RBFOX1: variants seen among roughly 807,000 people sequenced by gnomAD.
RBFOX1 encodes RNA binding fox-1 homolog 1, also known as RNA binding protein fox-1 homolog 1.
Under a neutral mutation model 57.7 loss-of-function variants are expected in RBFOX1, and 8 were observed. The ratio of observed to expected loss-of-function variants is 0.14; its 90% confidence interval spans 0.08 to 0.25. RBFOX1 has a LOEUF of 0.25. Ranked by LOEUF, RBFOX1 falls within the 10% of genes least tolerant of loss-of-function variation. The probability of loss-of-function intolerance (pLI) is 1.00; values close to 1 mark genes in which losing one functional copy is unlikely to be tolerated. For missense variants in RBFOX1, 611 were observed against 548.5 expected (o/e 1.11, Z -1.14); for synonymous variants, 326 against 222.4 (o/e 1.47, Z -4.15).
intron 4 of RBFOX1, among the ~76,000 whole-genome samples, chr16:7,109,017 G>T (rs533636853): frequency 1.4e-4 from 21 of 152,234 alleles, no homozygotes; most frequent in East Asian, 1.9e-4. Context: ...TGGAAAAGAG[G>T]GCAGTATACG....
intron 4 of RBFOX1, among the ~76,000 whole-genome samples, chr16:7,281,887 G>C (rs182157216): frequency 6.6e-6 from 1 of 151,692 alleles, no homozygotes; most frequent in Non-Finnish European, 1.5e-5. Flanking sequence ...CCTAGAAAAG[G>C]TCTTACTCTG....
chr16:5,477,484 C>T (rs918065614), intron 2 of RBFOX1, among the ~76,000 whole-genome samples: 1 of 152,162 alleles, frequency 6.6e-6, no homozygotes, highest in Admixed American at 6.5e-5. Context: ...ACTGTCACTT[C>T]CAATTTGGGA....
At chr16:5,557,640 C>A (rs564254881) in intron 2 of RBFOX1, among the ~76,000 whole-genome samples, 54 of 152,146 alleles carry the variant, frequency 3.5e-4, no homozygotes, top group African/African-American at 1.2e-3. Context: ...GTGCAAAGGC[C>A]CTGAGGCATT....
rs184567461 is a variant in RBFOX1, at chr16:6,650,742, T to C, written c.-63-3861T>C. ...GTTCCACTCTGGATTCAAAGGGACCTAGAATTTGCTGTGTTTACTAATAAA... is the reference window on the plus strand; with the variant it reads ...GTTCCACTCTGGATTCAAAGGGACCCAGAATTTGCTGTGTTTACTAATAAA... On this transcript the variant is annotated intron_variant, in intron 2 of 15. Transcript: ENST00000550418. Among the ~76,000 whole-genome samples, 210 of 152,346 alleles carry C rather than the reference T, an allele frequency of 1.4e-3. 1 individual carries two copies. The highest frequency in any genetic ancestry group is 5.0e-3 in the African/African-American group (206 of 41,588).
intron 13 of RBFOX1, among the ~76,000 whole-genome samples, chr16:7,672,321 G>C (rs1474322435): frequency 5.3e-5 from 8 of 152,138 alleles, no homozygotes; most frequent in Admixed American, 5.2e-4. Flanking sequence ...GTCAAACTGA[G>C]GATGATCAGT....
At chr16:6,112,995 T>G (rs2096462343) in intron 1 of RBFOX1, among the ~76,000 whole-genome samples, 1 of 152,182 alleles carries the variant, frequency 6.6e-6, no homozygotes, top group South Asian at 2.1e-4. Flanking sequence ...AAGAAAAATG[T>G]ATCAGACAGC....
At chr16:5,925,152 TC>T (rs1014995292) in intron 4 of RBFOX1, among the ~76,000 whole-genome samples, 2 of 152,092 alleles carry the variant, frequency 1.3e-5, no homozygotes, top group African/African-American at 2.4e-5. Context: ...CAGACAAACT[TC>T]CCTTGACCTA....
chr16:5,803,368 AGGT>A (rs2055120782), intron 3 of RBFOX1, among the ~76,000 whole-genome samples: 1 of 152,186 alleles, frequency 6.6e-6, no homozygotes, highest in African/African-American at 2.4e-5. Flanking sequence ...GAGAGATAAC[AGGT>A]GCTTTGGAAA....
chr16:6,804,081 G>A lies in RBFOX1; in HGVS notation c.-16+149431G>A, dbSNP rs866814516. Among the ~76,000 whole-genome samples the A allele has an allele frequency of 4.0e-5, 6 of 151,512 alleles. No individual in the cohort carries two copies. The South Asian group carries it at 1.0e-3, about 26-fold the overall frequency. On this transcript the variant is annotated intron_variant, in intron 3 of 15. Coordinates refer to ENST00000550418, the MANE Select transcript of RBFOX1 (RefSeq NM_018723.4). ...GAGTGCAATGACATGATCTCAGCTC[G>A]CTGCAACCTCTGCCTCCTGGGTTCA...
intron 4 of RBFOX1, among the ~76,000 whole-genome samples, chr16:7,221,058 C>T (rs528496478): frequency 3.3e-5 from 5 of 152,188 alleles, no homozygotes; most frequent in East Asian, 3.9e-4. Flanking sequence ...GAGGTGTGTT[C>T]GCTGTCTTCA....
intron 3 of RBFOX1, among the ~76,000 whole-genome samples, chr16:5,621,896 C>G (rs549847857): frequency 6.6e-6 from 1 of 152,236 alleles, no homozygotes; most frequent in African/African-American, 2.4e-5. Flanking sequence ...ATGTCCATAC[C>G]AGGAAAACAT....
chr16:7,222,451 A>C (rs903935736), intron 4 of RBFOX1, among the ~76,000 whole-genome samples: 7 of 152,198 alleles, frequency 4.6e-5, no homozygotes, highest in Non-Finnish European at 8.8e-5. Flanking sequence ...AGCTCTGTCA[A>C]AATGAATTGT....
At chr16:6,686,137 C>G (rs1050853256) in intron 3 of RBFOX1, among the ~76,000 whole-genome samples, 1 of 152,192 alleles carries the variant, frequency 6.6e-6, no homozygotes, top group Non-Finnish European at 1.5e-5. Context: ...ATCATTTCTT[C>G]TACATATTAA....
chr16:7,368,756 G>A (rs189222375), intron 4 of RBFOX1, among the ~76,000 whole-genome samples: 3 of 146,436 alleles, frequency 2.0e-5, no homozygotes, highest in African/African-American at 7.6e-5. Context: ...CTCCAGCCTG[G>A]GTGACAGAGC....
rs765872276 is a variant in RBFOX1, at chr16:5,912,736, A to G, written c.351+45401A>G. ...CAAAAAACATGTTATGATTAGTTTTATCTCCTTTGTTAAGAAAAAATAATT... is the reference window on the plus strand; with the variant it reads ...CAAAAAACATGTTATGATTAGTTTTGTCTCCTTTGTTAAGAAAAAATAATT... On this transcript the variant is annotated intron_variant, in intron 4 of 19. Coordinates refer to the RBFOX1 transcript ENST00000641259. Among the ~76,000 whole-genome samples, 29 of 152,216 alleles carry G rather than the reference A, an allele frequency of 1.9e-4. 1 individual carries two copies. The highest frequency in any genetic ancestry group is 3.2e-4 in the Non-Finnish European group (22 of 68,030).
intron 2 of RBFOX1, among the ~76,000 whole-genome samples, chr16:6,520,402 A>C (rs1379087755): frequency 5.3e-5 from 8 of 152,200 alleles, no homozygotes; most frequent in African/African-American, 1.9e-4. Context: ...GAAATGTTAC[A>C]TAGACTATAA....
At chr16:5,752,624 A>G (rs1336761893) in intron 3 of RBFOX1, among the ~76,000 whole-genome samples, 1 of 152,184 alleles carries the variant, frequency 6.6e-6, no homozygotes, top group African/African-American at 2.4e-5. Flanking sequence ...TTGAAGATAA[A>G]CAGTCATTTT....
rs111620649 is a variant in RBFOX1, at chr16:6,313,751, C to G, written c.-126-3244C>G. The stretch of plus-strand genomic sequence containing the variant: ...AAATTGTGCCCAATTCCACTGGGAC[C>G]TGAGATTCTCCCTGGTCACAAATTG... On this transcript the variant is annotated intron_variant, in intron 1 of 15. Coordinates refer to ENST00000550418, the MANE Select transcript of RBFOX1 (RefSeq NM_018723.4). Among the ~76,000 whole-genome samples, 20 of 152,020 alleles carry G rather than the reference C, an allele frequency of 1.3e-4. 1 individual carries two copies. In the South Asian group the frequency reaches 3.3e-3, roughly 25 times the overall value.
At chr16:6,779,523 A>G (rs1294665020) in intron 3 of RBFOX1, among the ~76,000 whole-genome samples, 2 of 150,972 alleles carry the variant, frequency 1.3e-5, no homozygotes, top group East Asian at 3.9e-4. Context: ...TTTCATTTGA[A>G]TATATACCCA....
Sources: allele counts gnomAD v4.1 joint callset (sites outside exome capture counted in the v4.1 genomes callset), GRCh38; gene constraint gnomAD v4.1.1; transcripts MANE v1.5; gene names NCBI Gene and HGNC (gene_info 2026-07-23, HGNC 2026-07-21).